The following ATXN7 variants were observed in gnomAD, a reference collection of about 807,000 sequenced individuals.
ATXN7 encodes the protein ataxin 7, also known as ataxin-7.
In ATXN7, 12 loss-of-function variants were observed where a neutral mutation model predicts 70.5. The observed-to-expected ratio is 0.17, with a 90% CI of 0.11 to 0.28. The LOEUF (loss-of-function observed/expected upper bound fraction) is 0.28, where lower values mean the gene tolerates loss of function less well. ATXN7 is among the 10% of genes least tolerant of loss of function. The pLI is 1.00. For missense variants in ATXN7, 1,256 were observed against 1,131.7 expected, an observed-to-expected ratio of 1.11 and a Z score of -1.58; for synonymous variants, 498 against 448.7, an observed-to-expected ratio of 1.11 and a Z score of -1.39.
intron 5 of ATXN7, among the ~76,000 whole-genome samples, chr3:63,957,874 C>T (rs1456362793): frequency 1.3e-5 from 2 of 152,208 alleles, no homozygotes; most frequent in Non-Finnish European, 2.9e-5. Flanking sequence ...TGAGGCCAGC[C>T]TTAGCCCTAG....
chr3:63,928,001 A>T lies in ATXN7; in HGVS notation c.394+14776A>T, dbSNP rs557966819. 5.3e-5 allele frequency among the ~76,000 whole-genome samples: 8 copies of T among 152,342 alleles called. No individual in the cohort carries two copies. In the East Asian group the frequency reaches 1.5e-3, roughly 29 times the overall value. ...TGTGTGAGTTTATAATCTATTCATG[A>T]ATCATATTCTCATTGTGGTTGTAGT... is the stretch of plus-strand genomic sequence containing the variant. On this transcript the variant is annotated intron_variant, in intron 4 of 12. Transcript: ENST00000674280.
At chr3:63,920,634 C>G (rs1258007130) in intron 4 of ATXN7, among the ~76,000 whole-genome samples, 4 of 152,004 alleles carry the variant, frequency 2.6e-5, no homozygotes, top group Non-Finnish European at 5.9e-5. Context: ...CTGTGCCTTA[C>G]AACAGTCGGT....
At position 63,990,241 on chromosome 3, in the gene ATXN7, C is replaced by G. The variant is rs1262220179; in HGVS notation, c.1427C>G (p.Ser476Cys). 2 of 1,614,028 alleles carry G rather than the reference C, an allele frequency of 1.2e-6. No individual in the cohort carries two copies. Among genetic ancestry groups the G allele is most frequent in the Non-Finnish European group, 1.7e-6 (2 of 1,180,028 alleles). ...APIDPPPVHE[S>C]PHPPLPATEP... is the part of the protein sequence containing the mutation. ...ATTGACCCTCCTCCAGTCCATGAATCTCCACACCCTCCCCTGCCTGCCACT... is the reference window on the plus strand; with the variant it reads ...ATTGACCCTCCTCCAGTCCATGAATGTCCACACCCTCCCCTGCCTGCCACT... Residue 476 changes from serine to cysteine, a missense_variant, in exon 10 of 13, where the codon TCT becomes TGT. Coordinates refer to ENST00000674280, the MANE Select transcript of ATXN7 (RefSeq NM_001377405.1).
At chr3:63,988,592 GTTGAGCAGGCAGAAA>G in intron 9 of ATXN7, 1 of 396,950 alleles carries the variant, frequency 2.5e-6, no homozygotes, top group Non-Finnish European at 4.5e-6. Context: ...TCTCAACTCT[GTTGAGCAGGCAGAAA>G]TTGGGTCCTT....
At chr3:63,988,695 G>A (rs1371917308) in intron 9 of ATXN7, among the ~76,000 whole-genome samples, 2 of 152,190 alleles carry the variant, frequency 1.3e-5, no homozygotes, top group African/African-American at 4.8e-5. Context: ...ATAGCAGTGG[G>A]AATTCTTGCT....
Position 63,912,778 on chromosome 3 carries a change from G to A in ATXN7, c.180G>A (p.Pro60=). The change falls in exon 3 of 13, where the codon CCG becomes CCA. Residue 60 remains proline, a synonymous_variant. Transcript: ENST00000674280. ...CACCGCCGCCACGGCGCACACGGCC[G>A]GAGGACGGCGGGCCCGGCGCCGCCT... ...HPPPPPRRTR[P]EDGGPGAAST... is the part of the protein sequence containing the mutation. 1.3e-6 allele frequency: 2 copies of A among 1,502,634 alleles called. No homozygotes were observed. The highest frequency in any genetic ancestry group is 1.8e-6 in the Non-Finnish European group (2 of 1,128,844). 93.1% of individuals were successfully genotyped at this position (1,502,634 alleles called of 1,614,324 possible).
intron 4 of ATXN7, among the ~76,000 whole-genome samples, chr3:63,933,697 A>G (rs2074601265): frequency 6.6e-6 from 1 of 152,174 alleles, no homozygotes; most frequent in African/African-American, 2.4e-5. Flanking sequence ...GGGAAGTAAA[A>G]TTTCCCTGTG....
intron 1 of ATXN7, among the ~76,000 whole-genome samples, chr3:63,888,401 G>C (rs1703151402): frequency 6.6e-6 from 1 of 152,120 alleles, no homozygotes; most frequent in African/African-American, 2.4e-5. Context: ...TTGGCTTAAA[G>C]TACATATATG....
At position 63,995,520 on chromosome 3, in the gene ATXN7, G is replaced by A; in HGVS notation, c.1698G>A (p.Val566=). 6.2e-7 allele frequency: 1 copy of A among 1,614,018 alleles called. No individual in the cohort carries two copies. Among genetic ancestry groups the A allele is most frequent in the Non-Finnish European group, 8.5e-7 (1 of 1,179,994 alleles). The change falls in exon 12 of 13, where the codon GTG becomes GTA. Residue 566 remains valine, a synonymous_variant. Coordinates refer to ENST00000674280, the MANE Select transcript of ATXN7 (RefSeq NM_001377405.1). ...NAQLWKKIPP[V]PSTTSPISTR... ...TTTTTTTCAGGAAAATCCCACCAGT[G>A]CCCAGTACCACCTCACCCATCTCCA...
chr3:63,919,565 G>T (rs1332325751), intron 4 of ATXN7, among the ~76,000 whole-genome samples: 3 of 152,008 alleles, frequency 2.0e-5, no homozygotes, highest in Admixed American at 1.3e-4. Context: ...ACATAAGAAG[G>T]TTGCTGTCTT....
upstream of ATXN7, chr3:63,863,827 A>G: frequency 8.6e-7 from 1 of 1,169,432 alleles, no homozygotes; most frequent in Non-Finnish European, 1.1e-6. Flanking sequence ...CGGCGGCGCA[A>G]GCTGAGGCGG....
intron 4 of ATXN7, among the ~76,000 whole-genome samples, chr3:63,917,934 G>A (rs1413802453): frequency 6.6e-6 from 1 of 152,172 alleles, no homozygotes; most frequent in Non-Finnish European, 1.5e-5. Context: ...AGGCCAGAAG[G>A]TTTCAGCACT....
At chr3:63,965,232 T>C (rs562630690) in intron 5 of ATXN7, among the ~76,000 whole-genome samples, 4 of 152,208 alleles carry the variant, frequency 2.6e-5, no homozygotes, top group Non-Finnish European at 5.9e-5. Flanking sequence ...GTTTAACAAG[T>C]GCTGGGCGTT....
chr3:63,965,176 C>G (rs1319489560), intron 5 of ATXN7, among the ~76,000 whole-genome samples: 1 of 152,150 alleles, frequency 6.6e-6, no homozygotes, highest in South Asian at 2.1e-4. Context: ...TATCATCCAT[C>G]CAGTTTCTCC....
intron 2 of ATXN7, chr3:63,900,686 T>TG (rs1292363872): frequency 1.3e-5 from 2 of 152,378 alleles, no homozygotes; most frequent in African/African-American, 4.8e-5. Context: ...TGCCTGTTTA[T>TG]GGAGTTTCTA....
intron 9 of ATXN7, among the ~76,000 whole-genome samples, chr3:63,989,632 AAAT>A (rs1406246984): frequency 6.6e-6 from 1 of 152,198 alleles, no homozygotes; most frequent in Non-Finnish European, 1.5e-5. Flanking sequence ...TTAGGTACTA[AAAT>A]AATCTAGAGA....
intron 5 of ATXN7, among the ~76,000 whole-genome samples, chr3:63,961,311 C>G (rs888849844): frequency 6.6e-6 from 1 of 152,068 alleles, no homozygotes; most frequent in Non-Finnish European, 1.5e-5. Flanking sequence ...GCCTGTTATT[C>G]CACTTTATTA....
chr3:63,952,172 A>G (rs556233600), intron 4 of ATXN7, among the ~76,000 whole-genome samples: 27 of 152,334 alleles, frequency 1.8e-4, no homozygotes, highest in Admixed American at 7.8e-4. Flanking sequence ...CCACATCATA[A>G]TTATTTTTGG....
chr3:63,959,385 C>T lies in ATXN7; in HGVS notation c.499+6902C>T, dbSNP rs186899113. On this transcript the variant is annotated intron_variant, in intron 5 of 12. Coordinates refer to ENST00000674280, the MANE Select transcript of ATXN7 (RefSeq NM_001377405.1). ...GGATGGGAGCTAACCAAAACAGGCA[C>T]ATGAAAACATGAATGATGTCAAGGT... Among the ~76,000 whole-genome samples, 8 of 152,260 alleles carry T rather than the reference C, an allele frequency of 5.3e-5. No individual in the cohort carries two copies. The East Asian group carries it at 1.2e-3, about 22-fold the overall frequency.
Sources: gnomAD v4.1 joint callset for allele counts (sites outside exome capture counted in the v4.1 genomes callset) on GRCh38, gnomAD v4.1.1 for gene constraint, MANE v1.5 for transcripts, NCBI Gene and HGNC (gene_info 2026-07-23, HGNC 2026-07-21) for gene names.